LRP1B: variants seen among roughly 807,000 people sequenced by gnomAD.
LRP1B encodes LDL receptor related protein 1B, also known as low-density lipoprotein receptor-related protein 1B.
A neutral mutation model predicts 556.6 loss-of-function variants in LRP1B; 217 were observed. The observed-to-expected ratio is 0.39, with a 90% confidence interval of 0.35 to 0.44. The LOEUF (loss-of-function observed/expected upper bound fraction) is 0.44. LRP1B is among the 20% of genes least tolerant of loss of function. The pLI, the probability that LRP1B is intolerant of heterozygous loss-of-function variation, is 1.00. For missense variants in LRP1B, 5,053 were observed against 5,620.8 expected (o/e 0.90, Z 3.23); for synonymous variants, 2,047 against 1,865.8 (o/e 1.10, Z -2.50).
At chr2:140,320,726 C>T (rs944450045) in intron 82 of LRP1B, among the ~76,000 whole-genome samples, 1 of 152,034 alleles carries the variant, frequency 6.6e-6, no homozygotes, top group Non-Finnish European at 1.5e-5. Context: ...CCACGCCTGG[C>T]AAGAACACTG....
intron 59 of LRP1B, among the ~76,000 whole-genome samples, chr2:140,476,129 C>A (rs1047193273): frequency 6.6e-6 from 1 of 151,896 alleles, no homozygotes; most frequent in Non-Finnish European, 1.5e-5. Context: ...AACGTATAAG[C>A]GGCAGATTAC....
At chr2:142,090,274 A>T (rs1706115447) in intron 1 of LRP1B, among the ~76,000 whole-genome samples, 1 of 152,144 alleles carries the variant, frequency 6.6e-6, no homozygotes, top group Non-Finnish European at 1.5e-5. Context: ...CAATAATGAT[A>T]ATAACCAAAT....
intron 66 of LRP1B, among the ~76,000 whole-genome samples, chr2:140,425,866 C>G (rs549468431): frequency 9.9e-5 from 15 of 152,282 alleles, no homozygotes; most frequent in Admixed American, 3.9e-4. Context: ...ACATAAGGCA[C>G]ACAGCTAATA....
chr2:141,601,599 T>TTTCCTTCCTTCCTTCCTTCCTTCC lies in LRP1B; in HGVS notation c.206-121090_206-121067dup, dbSNP rs59436887. ...GATTTAACCTGTATTGTAGCACTCC[T>TTTCCTTCCTTCCTTCCTTCCTTCC]TTCCTTCCTTCCTTCCTTCCTTCCT... On this transcript the variant is annotated intron_variant, in intron 2 of 90. Coordinates refer to ENST00000389484, the MANE Select transcript of LRP1B (RefSeq NM_018557.3). Among the ~76,000 whole-genome samples the TTTCCTTCCTTCCTTCCTTCCTTCC allele has an allele frequency of 9.1e-3, 1,284 of 140,678 alleles. 13 individuals are homozygous for TTTCCTTCCTTCCTTCCTTCCTTCC. Among genetic ancestry groups the TTTCCTTCCTTCCTTCCTTCCTTCC allele is most frequent in the Middle Eastern group, 0.014 (4 of 286 alleles). 92.3% of individuals were successfully genotyped at this position (140,678 alleles called of 152,430 possible).
chr2:141,695,021 TGATGCTG>T (rs1231284203), intron 2 of LRP1B, among the ~76,000 whole-genome samples: 3 of 152,062 alleles, frequency 2.0e-5, no homozygotes, highest in Admixed American at 2.0e-4. Context: ...ACTTTAAAAA[TGATGCTG>T]GATTATTTCA....
intron 2 of LRP1B, among the ~76,000 whole-genome samples, chr2:141,531,348 A>T (rs1684865001): frequency 6.6e-6 from 1 of 152,110 alleles, no homozygotes; most frequent in African/African-American, 2.4e-5. Context: ...GTCTATTTCC[A>T]GGGAGCTCCT....
intron 7 of LRP1B, among the ~76,000 whole-genome samples, chr2:141,089,435 G>A (rs1385956455): frequency 6.6e-6 from 1 of 152,142 alleles, no homozygotes; most frequent in Non-Finnish European, 1.5e-5. Flanking sequence ...ACTTAGCAAT[G>A]AAAATATACT....
chr2:141,729,655 A>G (rs1188135087), intron 2 of LRP1B, among the ~76,000 whole-genome samples: 1 of 152,156 alleles, frequency 6.6e-6, no homozygotes, highest in African/African-American at 2.4e-5. Flanking sequence ...GCCTGTGCCA[A>G]CCAATAAAAT....
intron 1 of LRP1B, among the ~76,000 whole-genome samples, chr2:142,050,681 T>C (rs530657028): frequency 6.6e-6 from 1 of 152,256 alleles, no homozygotes; most frequent in East Asian, 1.9e-4. Context: ...GCAGAAAATC[T>C]ATTGAACGAG....
intron 3 of LRP1B, among the ~76,000 whole-genome samples, chr2:141,285,023 A>G (rs1685652220): frequency 6.6e-6 from 1 of 152,132 alleles, no homozygotes; most frequent in South Asian, 2.1e-4. Context: ...CAGGGACTTC[A>G]CTAAATTCAC....
At chr2:141,761,833 A>C (rs2105595428) in intron 2 of LRP1B, among the ~76,000 whole-genome samples, 1 of 152,300 alleles carries the variant, frequency 6.6e-6, no homozygotes, top group Non-Finnish European at 1.5e-5. Flanking sequence ...TCAAGCTAGT[A>C]GTTTGCACTG....
At position 141,608,364 on chromosome 2, in the gene LRP1B, T is replaced by C. The variant is rs887655514; in HGVS notation, c.206-127831A>G. The stretch of plus-strand genomic sequence containing the variant: ...CTCCAAATAGCACAAAAGACACGAT[T>C]GGTGGTAATGGGAGCAACAGTATAC... On this transcript the variant is annotated intron_variant, in intron 2 of 90. Transcript: ENST00000389484. 2.0e-5 allele frequency among the ~76,000 whole-genome samples: 3 copies of C among 152,328 alleles called. No individual in the cohort carries two copies. The East Asian group carries it at 5.8e-4, about 29-fold the overall frequency.
Position 141,000,749 on chromosome 2 carries a change from C to T in LRP1B, c.2503+4586G>A, listed in dbSNP as rs374845528. On this transcript the variant is annotated intron_variant, in intron 15 of 90. Transcript: ENST00000389484. ...CAATTCATTTAAGTCATGATAAAGG[C>T]TTTGTAGGATTTTACTTCCTAAGTT... Among the ~76,000 whole-genome samples, 48 of 152,116 alleles carry T rather than the reference C, an allele frequency of 3.2e-4. 1 individual carries two copies. The highest frequency in any genetic ancestry group is 1.1e-3 in the African/African-American group (47 of 41,530).
At chr2:141,672,240 A>G (rs936055095) in intron 2 of LRP1B, among the ~76,000 whole-genome samples, 2 of 152,082 alleles carry the variant, frequency 1.3e-5, no homozygotes, top group African/African-American at 4.8e-5. Context: ...CCTTGAAGAA[A>G]GGAAAGAGAC....
At chr2:140,580,265 A>G (rs1004954447) in intron 43 of LRP1B, among the ~76,000 whole-genome samples, 7 of 152,222 alleles carry the variant, frequency 4.6e-5, no homozygotes, top group African/African-American at 1.4e-4. Flanking sequence ...AGGTCTGGAA[A>G]TATTAAATAT....
chr2:141,241,273 C>T (rs1683867199), intron 5 of LRP1B, among the ~76,000 whole-genome samples: 1 of 152,050 alleles, frequency 6.6e-6, no homozygotes, highest in Non-Finnish European at 1.5e-5. Flanking sequence ...GCCAGGCTAC[C>T]GGTCCGGGAT....
At chr2:141,071,440 A>G (rs866345081) in intron 7 of LRP1B, among the ~76,000 whole-genome samples, 4 of 152,024 alleles carry the variant, frequency 2.6e-5, no homozygotes, top group African/African-American at 9.7e-5. Context: ...CTTTGAAAAC[A>G]GGCACAAGAC....
At chr2:141,905,446 C>T (rs923472576) in intron 1 of LRP1B, among the ~76,000 whole-genome samples, 2 of 151,450 alleles carry the variant, frequency 1.3e-5, no homozygotes, top group South Asian at 4.2e-4. Context: ...GTCCAATCAA[C>T]GAGGTTTTGT....
chr2:140,659,855 G>A (rs1056806214), intron 41 of LRP1B, among the ~76,000 whole-genome samples: 3 of 152,000 alleles, frequency 2.0e-5, no homozygotes, highest in African/African-American at 4.8e-5. Context: ...AAATTTTTAA[G>A]AGTCAAGAAA....
Sources: gnomAD v4.1 joint callset for allele counts (sites outside exome capture counted in the v4.1 genomes callset) on GRCh38, gnomAD v4.1.1 for gene constraint, MANE v1.5 for transcripts, NCBI Gene and HGNC (gene_info 2026-07-23, HGNC 2026-07-21) for gene names.